The following SENP6 variants were observed in gnomAD, a reference collection of about 807,000 sequenced individuals.
SENP6 encodes SUMO specific peptidase 6, also known as sentrin-specific protease 6.
In SENP6, 41 loss-of-function variants were observed where a neutral mutation model predicts 134.5. That is an observed-to-expected ratio of 0.30 (90% CI 0.24 to 0.40). The LOEUF (loss-of-function observed/expected upper bound fraction) is 0.40, where lower values mean the gene tolerates loss of function less well. SENP6 is among the 10% of genes least tolerant of loss of function. SENP6 has a pLI of 1.00. For missense variants in SENP6, 1,248 were observed against 1,312.5 expected, an observed-to-expected ratio of 0.95 and a Z score of 0.76; for synonymous variants, 395 against 429.8, an observed-to-expected ratio of 0.92 and a Z score of 1.00.
At chr6:75,706,225 T>A (rs1472216077) in intron 19 of SENP6, among the ~76,000 whole-genome samples, 1 of 151,972 alleles carries the variant, frequency 6.6e-6, no homozygotes, top group Non-Finnish European at 1.5e-5. Context: ...GAGTGATAGC[T>A]AAGTGGTATG....
chr6:75,663,461 C>G lies in SENP6; in HGVS notation c.937C>G (p.Pro313Ala), dbSNP rs769712463. 6.2e-6 allele frequency: 10 copies of G among 1,612,718 alleles called. No homozygotes were observed. Among genetic ancestry groups the G allele is most frequent in the Non-Finnish European group, 7.6e-6 (9 of 1,179,692 alleles). Reference sequence around the variant, plus strand: ...AGTCATTTTACCTGGGGCAAAAATACCCAAAATCACAAACTTGAAAGAAAG... The same window carrying G: ...AGTCATTTTACCTGGGGCAAAAATAGCCAAAATCACAAACTTGAAAGAAAG... ...GKVILPGAKI[P>A]KITNLKERKT... is the part of the protein sequence containing the mutation. The change falls in exon 9 of 24, where the codon CCC (proline) becomes GCC (alanine). Residue 313 changes from proline (P) to alanine (A), a missense_variant. Physicochemically the swap from Pro to Ala is conservative, Grantham distance 27. Transcript: ENST00000447266.
At chr6:75,616,628 C>T (rs1313557093) in intron 1 of SENP6, among the ~76,000 whole-genome samples, 1 of 151,848 alleles carries the variant, frequency 6.6e-6, no homozygotes, top group Admixed American at 6.6e-5. Flanking sequence ...CGCCTGTAAT[C>T]CCAGCTACTC....
chr6:75,670,688 A>T lies in SENP6; in HGVS notation c.1360A>T (p.Thr454Ser), dbSNP rs1362904829. 6.2e-7 allele frequency: 1 copy of T among 1,612,398 alleles called. No homozygotes were observed. The highest frequency in any genetic ancestry group is 8.5e-7 in the Non-Finnish European group (1 of 1,179,036). Reference protein sequence around the residue: ...ILNCRSIRVGTLFRLLIEPVI... With the variant: ...ILNCRSIRVGSLFRLLIEPVI... ...AAACTGTCGAAGTATACGAGTAGGAACACTCTTCCGGCTGTTAATAGAGCC... is the reference window on the plus strand; with the variant it reads ...AAACTGTCGAAGTATACGAGTAGGATCACTCTTCCGGCTGTTAATAGAGCC... Residue 454 changes from threonine to serine, a missense_variant, in exon 11 of 24, where the codon ACA becomes TCA. Physicochemically the swap from Thr to Ser is moderately conservative, Grantham distance 58. Around this residue, in one of 3 missense-constraint regions of SENP6, gnomAD observed 733 missense variants for 725.4 expected, o/e 1.01. Coordinates refer to ENST00000447266, the MANE Select transcript of SENP6 (RefSeq NM_015571.4).
rs28522186 is a variant in SENP6, at chr6:75,715,742, G to C, written c.*148G>C. 4 of 564,456 alleles carry C rather than the reference G, an allele frequency of 7.1e-6. No homozygotes were observed. Among genetic ancestry groups the C allele is most frequent in the Admixed American group, 7.1e-5 (2 of 28,012 alleles). The allele number at this position is 564,456 out of a possible 1,614,324, so 35.0% of individuals were successfully genotyped here. On this transcript the variant is annotated 3_prime_UTR_variant, in exon 24 of 24. Coordinates refer to ENST00000447266, the MANE Select transcript of SENP6 (RefSeq NM_015571.4). ...TGTCAGATAATTAATTTCCAAAGGC[G>C]TATGTATTAAGTAAAAGTCTGTAAA...
At chr6:75,625,500 A>C (rs1768613994) in intron 3 of SENP6, among the ~76,000 whole-genome samples, 1 of 152,054 alleles carries the variant, frequency 6.6e-6, no homozygotes, top group African/African-American at 2.4e-5. Context: ...ATATTTCCTT[A>C]TGTCATCAGA....
intron 16 of SENP6, among the ~76,000 whole-genome samples, chr6:75,694,571 T>G (rs1774525395): frequency 6.6e-6 from 1 of 152,224 alleles, no homozygotes; most frequent in Non-Finnish European, 1.5e-5. Context: ...CCTCCAGGCC[T>G]ATGCAACTGT....
At chr6:75,656,068 A>G (rs766767025) in intron 7 of SENP6, among the ~76,000 whole-genome samples, 2 of 152,048 alleles carry the variant, frequency 1.3e-5, no homozygotes, top group Admixed American at 6.5e-5. Flanking sequence ...TACAAAAACT[A>G]GCCAGGCATG....
At chr6:75,602,638 G>A in intron 1 of SENP6, 62 bp downstream of exon 1, 1 of 1,499,054 alleles carries the variant, frequency 6.7e-7, no homozygotes, top group Non-Finnish European at 9.1e-7. Context: ...GTGGCCCCCA[G>A]AACCCCGGAT....
intron 19 of SENP6, among the ~76,000 whole-genome samples, chr6:75,707,742 A>G (rs1003170222): frequency 5.9e-5 from 9 of 152,112 alleles, no homozygotes; most frequent in East Asian, 1.9e-4. Context: ...GAGTACAGCA[A>G]TACAATCACA....
At chr6:75,638,604 ATATATATATATATATATATTTTTTT>A (rs1561992663) in intron 5 of SENP6, among the ~76,000 whole-genome samples, 6 of 42,826 alleles carry the variant, frequency 1.4e-4, no homozygotes, top group African/African-American at 5.8e-4. Flanking sequence ...ATATATATAT[ATATATATATATATATATATTTTTTT>A]TTTTTTTTTT....
In SENP6 at chr6:75,675,637, A is replaced by T. The variant is rs1213167167; in HGVS notation, c.1426+169A>T. The T allele has an allele frequency of 4.3e-6, 3 of 702,820 alleles. No individual in the cohort carries two copies. The East Asian group carries it at 8.3e-5, about 19-fold the overall frequency. The allele number at this position is 702,820 out of a possible 1,614,324, so 43.5% of individuals were successfully genotyped here. A position where few individuals can be genotyped will look rare whatever the true frequency, so the allele number is the denominator to read the frequency against. Reference sequence around the variant, plus strand: ...TGGTGTAATTTCATTCAGAAATATCACAGAACCTAACTTTTTAGAAACCCC... The same window carrying T: ...TGGTGTAATTTCATTCAGAAATATCTCAGAACCTAACTTTTTAGAAACCCC... On this transcript the variant is annotated intron_variant, in intron 12 of 23. Coordinates refer to ENST00000447266, the MANE Select transcript of SENP6 (RefSeq NM_015571.4).
chr6:75,694,008 G>C (rs1342723659), intron 16 of SENP6, among the ~76,000 whole-genome samples: 1 of 152,194 alleles, frequency 6.6e-6, no homozygotes, highest in Non-Finnish European at 1.5e-5. Context: ...TGTAATCCCA[G>C]CACCTTAGGA....
In SENP6 at chr6:75,606,010, A is replaced by G. The variant is rs182136618; in HGVS notation, c.52+3434A>G. Among the ~76,000 whole-genome samples the G allele has an allele frequency of 2.2e-3, 330 of 152,308 alleles. 1 individual carries two copies. Among genetic ancestry groups the G allele is most frequent in the Admixed American group, 3.3e-3 (51 of 15,302 alleles). Reference sequence around the variant, plus strand: ...TGATGAACTGTACATTGAGTGTCAGAATAAGAGGAATCAAAAGGTTTTGTT... The same window carrying G: ...TGATGAACTGTACATTGAGTGTCAGGATAAGAGGAATCAAAAGGTTTTGTT... On this transcript the variant is annotated intron_variant, in intron 1 of 23. Transcript: ENST00000447266.
chr6:75,699,506 G>C (rs566675506), intron 18 of SENP6, among the ~76,000 whole-genome samples: 1 of 150,316 alleles, frequency 6.7e-6, no homozygotes, highest in African/African-American at 2.5e-5. Context: ...CTTTTTTCTC[G>C]AGATAGGGTC....
Position 75,699,395 on chromosome 6 carries a change from A to G in SENP6, c.2288+1878A>G, listed in dbSNP as rs550260188. ...TTTTTGAAGAGACAAAGCTACAAAT[A>G]CTTATACACTAATTATGTTAGATTG... is the stretch of plus-strand genomic sequence containing the variant. On this transcript the variant is annotated intron_variant, in intron 18 of 23. Transcript: ENST00000447266. 4.1e-5 allele frequency among the ~76,000 whole-genome samples: 6 copies of G among 147,780 alleles called. No individual in the cohort carries two copies. In the South Asian group the frequency reaches 1.3e-3, roughly 32 times the overall value.
intron 1 of SENP6, among the ~76,000 whole-genome samples, chr6:75,619,274 C>T (rs1483284259): frequency 6.6e-6 from 1 of 152,132 alleles, no homozygotes; most frequent in Non-Finnish European, 1.5e-5. Context: ...ATTCTACTTT[C>T]TGTCTCTATG....
intron 18 of SENP6, among the ~76,000 whole-genome samples, chr6:75,699,165 T>C: frequency 6.6e-6 from 1 of 152,102 alleles, no homozygotes; most frequent in East Asian, 1.9e-4. Context: ...TAAATAGAAA[T>C]ATTATTTGAT....
chr6:75,696,574 C>G (rs1774678127), intron 17 of SENP6, among the ~76,000 whole-genome samples: 1 of 152,146 alleles, frequency 6.6e-6, no homozygotes, highest in African/African-American at 2.4e-5. Context: ...ACCTCCCACT[C>G]TCAAGTGATC....
At chr6:75,673,003 A>G (rs1188419427) in intron 11 of SENP6, among the ~76,000 whole-genome samples, 3 of 151,784 alleles carry the variant, frequency 2.0e-5, no homozygotes, top group Non-Finnish European at 4.4e-5. Flanking sequence ...AATTTTTTGT[A>G]TTTTTAGTAG....
Sources: gnomAD v4.1 joint callset for allele counts (sites outside exome capture counted in the v4.1 genomes callset) on GRCh38, gnomAD v4.1.1 for gene constraint, gnomAD v4.1.1 regional missense constraint, MANE v1.5 for transcripts, NCBI Gene and HGNC (gene_info 2026-07-23, HGNC 2026-07-21) for gene names.